The following MIPOL1 variants were observed in gnomAD, a reference collection of about 807,000 sequenced individuals.
MIPOL1 encodes mirror-image polydactyly gene 1 protein.
Under a neutral mutation model 60.9 loss-of-function variants are expected in MIPOL1, and 57 were observed. The observed-to-expected ratio is 0.94, with a 90% CI of 0.76 to 1.17. The LOEUF (loss-of-function observed/expected upper bound fraction) is 1.17. Among genes scored for constraint, MIPOL1 ranks in the 50% most tolerant of loss-of-function variants. The pLI, the probability that MIPOL1 is intolerant of heterozygous loss-of-function variation, is 0.00. For synonymous variants in MIPOL1, 179 were observed against 168.8 expected (o/e 1.06, Z -0.47); for missense variants, 551 against 511.6 (o/e 1.08, Z -0.74).
chr14:37,348,605 A>G (rs1180180075), intron 9 of MIPOL1, among the ~76,000 whole-genome samples: 1 of 151,936 alleles, frequency 6.6e-6, no homozygotes, highest in Non-Finnish European at 1.5e-5. Flanking sequence ...ATGCCTCTTA[A>G]TGGTTATATA....
At chr14:37,269,743 T>C (rs2083148205) in intron 5 of MIPOL1, among the ~76,000 whole-genome samples, 2 of 152,202 alleles carry the variant, frequency 1.3e-5, no homozygotes, top group Admixed American at 6.6e-5. Context: ...AGCAGTGCTA[T>C]CTGTTATTTT....
At chr14:37,394,057 C>CATGCAT (rs1555329417) in intron 10 of MIPOL1, among the ~76,000 whole-genome samples, 1 of 73,310 alleles carries the variant, frequency 1.4e-5, no homozygotes, top group Non-Finnish European at 2.7e-5. Flanking sequence ...TTAGTAGTGG[C>CATGCAT]ATATATATAT....
At chr14:37,492,667 T>C (rs1318553743) in intron 11 of MIPOL1, among the ~76,000 whole-genome samples, 1 of 152,200 alleles carries the variant, frequency 6.6e-6, no homozygotes, top group African/African-American at 2.4e-5. Flanking sequence ...AGTTTTTTTT[T>C]CCAATGTCAC....
At chr14:37,429,939 A>C (rs1453712332) in intron 11 of MIPOL1, among the ~76,000 whole-genome samples, 2 of 152,156 alleles carry the variant, frequency 1.3e-5, no homozygotes, top group Non-Finnish European at 2.9e-5. Flanking sequence ...TATAGCATGC[A>C]AACTATAGCC....
intron 9 of MIPOL1, among the ~76,000 whole-genome samples, chr14:37,309,102 TTTTA>T (rs59311227): frequency 0.64 from 91,450 of 142,544 alleles, 29,646 homozygotes; most frequent in East Asian, 0.79. Flanking sequence ...TTTCTTGTTA[TTTTA>T]TTTATTTATT....
intron 9 of MIPOL1, among the ~76,000 whole-genome samples, chr14:37,337,352 ATATATTTTTTTTTTT>A (rs1392596842): frequency 5.6e-5 from 2 of 35,448 alleles, no homozygotes; most frequent in African/African-American, 3.0e-4. Flanking sequence ...ATATATATAT[ATATATTTTTTTTTTT>A]TTTTTTTTTT....
intron 11 of MIPOL1, among the ~76,000 whole-genome samples, chr14:37,481,606 CACACA>C (rs2094869722): frequency 8.2e-5 from 12 of 147,170 alleles, no homozygotes; most frequent in African/African-American, 1.8e-4. Flanking sequence ...CACACACACA[CACACA>C]CCGAAACCAC....
chr14:37,444,271 C>A (rs1296658615), intron 11 of MIPOL1, among the ~76,000 whole-genome samples: 2 of 152,048 alleles, frequency 1.3e-5, no homozygotes, highest in East Asian at 3.9e-4. Flanking sequence ...TCTGAATTAA[C>A]TTATTCTAGT....
Position 37,268,755 on chromosome 14 carries a change from C to T in MIPOL1, c.349C>T (p.Leu117=). Residue 117 remains leucine (L), a synonymous_variant, in exon 5 of 13, where the codon CTA becomes TTA. Coordinates refer to ENST00000684589, the MANE Select transcript of MIPOL1 (RefSeq NM_001388067.1). The part of the protein sequence containing the change: ...SDKEKTIAFL[L]KELDILRTSN... ...TAAAGAGAAGACAATAGCATTTCTT[C>T]TAAAAGAATTGGATATTCTCAGAAC... 1 of 1,593,356 alleles carries T rather than the reference C, an allele frequency of 6.3e-7. No individual in the cohort carries two copies. Among genetic ancestry groups the T allele is most frequent in the Non-Finnish European group, 8.6e-7 (1 of 1,167,416 alleles).
At chr14:37,440,971 A>T (rs1208174165) in intron 11 of MIPOL1, among the ~76,000 whole-genome samples, 2 of 152,066 alleles carry the variant, frequency 1.3e-5, no homozygotes, top group Admixed American at 6.6e-5. Context: ...GTCAATGAGG[A>T]TGTCTCATTG....
chr14:37,327,269 G>A (rs2089251517), intron 9 of MIPOL1, among the ~76,000 whole-genome samples: 1 of 152,052 alleles, frequency 6.6e-6, no homozygotes, highest in African/African-American at 2.4e-5. Flanking sequence ...CCCACATGAG[G>A]TTGGAAATAA....
intron 7 of MIPOL1, among the ~76,000 whole-genome samples, chr14:37,289,301 CA>C (rs2084852888): frequency 6.6e-6 from 1 of 152,158 alleles, no homozygotes. Context: ...CAGTGGACAC[CA>C]GCTGAGTGTC....
intron 9 of MIPOL1, among the ~76,000 whole-genome samples, chr14:37,325,584 C>A (rs1179356468): frequency 1.3e-5 from 2 of 149,090 alleles, no homozygotes; most frequent in East Asian, 4.0e-4. Flanking sequence ...TCTTCCTTCT[C>A]TTTTTCTCCT....
intron 11 of MIPOL1, among the ~76,000 whole-genome samples, chr14:37,495,954 C>T (rs1367449116): frequency 8.9e-4 from 130 of 145,602 alleles, no homozygotes; most frequent in African/African-American, 2.1e-3. Flanking sequence ...TCATGTCCTT[C>T]GCCCACTTTT....
chr14:37,354,314 GCTTTA>G (rs2091636510), intron 9 of MIPOL1, among the ~76,000 whole-genome samples: 1 of 132,864 alleles, frequency 7.5e-6, no homozygotes, highest in Admixed American at 8.2e-5. Flanking sequence ...GCTGAGGAGA[GCTTTA>G]CTTCCAAGTA....
chr14:37,389,230 T>TAA (rs60261464), intron 10 of MIPOL1, among the ~76,000 whole-genome samples: 4 of 150,250 alleles, frequency 2.7e-5, no homozygotes, highest in Admixed American at 6.7e-5. Flanking sequence ...TGAAGGGTGG[T>TAA]AAAAAAAAAC....
intron 3 of MIPOL1, among the ~76,000 whole-genome samples, chr14:37,263,066 T>C (rs1362982491): frequency 6.6e-6 from 1 of 152,204 alleles, no homozygotes; most frequent in Admixed American, 6.6e-5. Context: ...GTATAGTATA[T>C]ATTAAAAAAT....
intron 11 of MIPOL1, among the ~76,000 whole-genome samples, chr14:37,427,898 T>C (rs1453786148): frequency 6.6e-6 from 1 of 152,196 alleles, no homozygotes; most frequent in Non-Finnish European, 1.5e-5. Flanking sequence ...GGTTCCATTT[T>C]ATGTGAAGGA....
At chr14:37,533,810 G>A (rs2095493024) in intron 12 of MIPOL1, among the ~76,000 whole-genome samples, 2 of 152,138 alleles carry the variant, frequency 1.3e-5, no homozygotes, top group Non-Finnish European at 2.9e-5. Context: ...TGCATAAGCA[G>A]TCCACATTCA....
Sources: gnomAD v4.1 joint callset for allele counts (sites outside exome capture counted in the v4.1 genomes callset) on GRCh38, gnomAD v4.1.1 for gene constraint, MANE v1.5 for transcripts, NCBI Gene and HGNC (gene_info 2026-07-23, HGNC 2026-07-21) for gene names.